The following MREG variants were observed in gnomAD, a reference collection of about 807,000 sequenced individuals.
MREG encodes the protein dilute suppressor protein homolog.
MREG carries 31 observed loss-of-function variants against 28.5 expected under a neutral mutation model. That is an observed-to-expected ratio of 1.09 (90% CI 0.82 to 1.47). MREG has a LOEUF of 1.47. MREG is among the 40% of genes most tolerant of loss of function. The pLI, the probability that MREG is intolerant of heterozygous loss-of-function variation, is 0.00. For synonymous variants in MREG, 106 were observed against 95.2 expected (o/e 1.11, Z -0.66); for missense variants, 256 against 257.4 (o/e 0.99, Z 0.04).
At chr2:216,002,720 T>A (rs1574645363) in intron 1 of MREG, among the ~76,000 whole-genome samples, 1 of 152,266 alleles carries the variant, frequency 6.6e-6, no homozygotes, top group Non-Finnish European at 1.5e-5. Flanking sequence ...ATGGAGCAGG[T>A]GAACCTAAGA....
chr2:215,997,138 G>A (rs1206254292), intron 1 of MREG, among the ~76,000 whole-genome samples: 1 of 152,164 alleles, frequency 6.6e-6, no homozygotes, highest in East Asian at 1.9e-4. Context: ...AGGGATGAAT[G>A]TTTGACTGGC....
At chr2:215,953,146 G>A (rs751902239) in intron 2 of MREG, among the ~76,000 whole-genome samples, 17 of 152,184 alleles carry the variant, frequency 1.1e-4, no homozygotes, top group South Asian at 2.1e-4. Context: ...CATGAACACC[G>A]GGGCAGCTAA....
At chr2:216,013,059 T>A (rs1302791108) in intron 1 of MREG, among the ~76,000 whole-genome samples, 174 bp downstream of exon 1, 1 of 152,198 alleles carries the variant, frequency 6.6e-6, no homozygotes, top group African/African-American at 2.4e-5. Flanking sequence ...AAAATCTTAC[T>A]CAAGGAACAA....
intron 1 of MREG, among the ~76,000 whole-genome samples, chr2:216,022,989 C>T (rs974886664): frequency 1.5e-4 from 23 of 152,372 alleles, no homozygotes; most frequent in African/African-American, 5.3e-4. Flanking sequence ...TCCTACCCAT[C>T]TGAGTGTTAA....
At chr2:215,975,787 G>A (rs1319596468) in intron 2 of MREG, among the ~76,000 whole-genome samples, 1 of 152,182 alleles carries the variant, frequency 6.6e-6, no homozygotes, top group Non-Finnish European at 1.5e-5. Context: ...CAGGAAGACA[G>A]TCAAGAAGTC....
chr2:216,017,809 A>T (rs1694469296), upstream of MREG, among the ~76,000 whole-genome samples: 1 of 152,072 alleles, frequency 6.6e-6, no homozygotes, highest in African/African-American at 2.4e-5. Context: ...GACTTCTGGG[A>T]GTTAGAGGAA....
Position 215,943,440 on chromosome 2 carries a change from G to GT in MREG, c.*1422dup, listed in dbSNP as rs1380162402. The GT allele has an allele frequency of 3.3e-5, 15 of 456,626 alleles. No homozygotes were observed. The highest frequency in any genetic ancestry group is 7.0e-5 in the Admixed American group (3 of 42,564). 28.3% of individuals were successfully genotyped at this position (456,626 alleles called of 1,614,324 possible). ...GCATATGTGCAAGTCTGCATGAGAG[G>GT]TCCCCCCACAGGTGCAGCTGCCAGC... On this transcript the variant is annotated 3_prime_UTR_variant, in exon 5 of 5. Coordinates refer to ENST00000263268, the MANE Select transcript of MREG (RefSeq NM_018000.3).
In MREG at chr2:216,013,391, G is replaced by T. The variant is rs983492596; in HGVS notation, c.-64C>A. ...CCGAGTCGCCGCGGCGAGCGATCGA[G>T]GCTGGGGCGCGGCCACCGCGCCAGC... On this transcript the variant is annotated 5_prime_UTR_variant, in exon 1 of 5. Transcript: ENST00000263268. 5.3e-5 allele frequency: 66 copies of T among 1,238,150 alleles called. No homozygotes were observed. The highest frequency in any genetic ancestry group is 6.4e-5 in the Non-Finnish European group (61 of 954,964). The allele number at this position is 1,238,150 out of a possible 1,614,324, so 76.7% of individuals were successfully genotyped here. A position where few individuals can be genotyped will look rare whatever the true frequency, so the allele number is the denominator to read the frequency against.
At chr2:215,952,990 TCTC>T (rs1461991179) in intron 2 of MREG, among the ~76,000 whole-genome samples, 3 of 152,250 alleles carry the variant, frequency 2.0e-5, no homozygotes, top group East Asian at 3.9e-4. Context: ...CCCCTCTCTC[TCTC>T]CTATCTCATT....
In MREG at chr2:215,943,548, T is replaced by C; in HGVS notation, c.*1315A>G. On this transcript the variant is annotated 3_prime_UTR_variant, in exon 5 of 5. Coordinates refer to ENST00000263268, the MANE Select transcript of MREG (RefSeq NM_018000.3). ...TTTACAGATGCTATTCCAGATAAAA[T>C]GCCAAGGGCTTGGCCGGGCGCGGTG... 1.1e-5 allele frequency: 5 copies of C among 455,776 alleles called. No individual in the cohort carries two copies. Among genetic ancestry groups the C allele is most frequent in the Non-Finnish European group, 2.2e-5 (5 of 226,406 alleles). The allele number at this position is 455,776 out of a possible 1,614,324, so 28.2% of individuals were successfully genotyped here.
chr2:215,978,250 A>G (rs1436977980), intron 2 of MREG, among the ~76,000 whole-genome samples: 1 of 152,210 alleles, frequency 6.6e-6, no homozygotes, highest in Non-Finnish European at 1.5e-5. Flanking sequence ...GAATACTATA[A>G]ACACCTCTAT....
chr2:216,005,631 TGAGTA>T (rs1316513246), intron 1 of MREG, among the ~76,000 whole-genome samples: 4 of 151,610 alleles, frequency 2.6e-5, no homozygotes, highest in Admixed American at 6.6e-5. Context: ...TTTTGTAGTT[TGAGTA>T]GACACAGGGT....
At chr2:216,010,965 C>T (rs890547998) in intron 1 of MREG, among the ~76,000 whole-genome samples, 1 of 151,314 alleles carries the variant, frequency 6.6e-6, no homozygotes, top group African/African-American at 2.4e-5. Flanking sequence ...GCGCAGTGGC[C>T]GGCACCTGTA....
chr2:215,982,781 C>T (rs1693465689), intron 2 of MREG, among the ~76,000 whole-genome samples: 1 of 152,214 alleles, frequency 6.6e-6, no homozygotes, highest in South Asian at 2.1e-4. Context: ...CCAATGCTCC[C>T]AGTCACTTCC....
rs1427250891 is a variant in MREG, at chr2:215,945,460, C to T, written c.510+111G>A. On this transcript the variant is annotated intron_variant, in intron 4 of 4. Transcript: ENST00000263268. Reference sequence around the variant, plus strand: ...CAGCATATAATGCCAGCATCTGCCACCTCATATGTGATAGTGATGGTGGTG... The same window carrying T: ...CAGCATATAATGCCAGCATCTGCCATCTCATATGTGATAGTGATGGTGGTG... 9.8e-6 allele frequency: 13 copies of T among 1,320,132 alleles called. No homozygotes were observed. In the East Asian group the frequency reaches 2.8e-4, roughly 28 times the overall value. The allele number at this position is 1,320,132 out of a possible 1,614,324, so 81.8% of individuals were successfully genotyped here. A position where few individuals can be genotyped will look rare whatever the true frequency, so the allele number is the denominator to read the frequency against.
intron 2 of MREG, among the ~76,000 whole-genome samples, chr2:215,949,094 T>G (rs1015253158): frequency 6.8e-6 from 1 of 147,992 alleles, no homozygotes. Context: ...CTACTAATAA[T>G]AATAATAATA....
At chr2:216,029,355 G>A (rs1694645250) in intron 1 of MREG, among the ~76,000 whole-genome samples, 1 of 152,182 alleles carries the variant, frequency 6.6e-6, no homozygotes, top group Non-Finnish European at 1.5e-5. Context: ...GCGCGCTTCT[G>A]TAGTCCCAGC....
At chr2:215,981,037 G>T (rs185811487) in intron 2 of MREG, among the ~76,000 whole-genome samples, 3 of 152,238 alleles carry the variant, frequency 2.0e-5, no homozygotes, top group African/African-American at 4.8e-5. Context: ...TACAGATACT[G>T]TGGGAAACAG....
upstream of MREG, among the ~76,000 whole-genome samples, chr2:216,014,651 A>C (rs1694400387): frequency 6.6e-6 from 1 of 150,480 alleles, no homozygotes; most frequent in African/African-American, 2.5e-5. Context: ...TCCGTCTCAA[A>C]AAAAAAAAAA....
Sources: gnomAD v4.1 joint callset for allele counts (sites outside exome capture counted in the v4.1 genomes callset) on GRCh38, gnomAD v4.1.1 for gene constraint, MANE v1.5 for transcripts, NCBI Gene and HGNC (gene_info 2026-07-23, HGNC 2026-07-21) for gene names.